ANKRD30A: variants seen among roughly 807,000 people sequenced by gnomAD.
ANKRD30A encodes the protein ankyrin repeat domain 30A.
In ANKRD30A, 170 loss-of-function variants were observed where a neutral mutation model predicts 166.3. The ratio of observed to expected loss-of-function variants is 1.02; its 90% confidence interval spans 0.90 to 1.16. The LOEUF (loss-of-function observed/expected upper bound fraction) is 1.16, where lower values mean the gene tolerates loss of function less well. Ranked by LOEUF, ANKRD30A falls within the 50% of genes most tolerant of loss-of-function variation. The pLI, the probability that ANKRD30A is intolerant of heterozygous loss-of-function variation, is 0.00. For missense variants in ANKRD30A, 1,630 were observed against 1,518.0 expected (o/e 1.07, Z -1.23); for synonymous variants, 564 against 508.9 (o/e 1.11, Z -1.46).
At chr10:37,215,552 CT>C (rs1842559589) in intron 31 of ANKRD30A, among the ~76,000 whole-genome samples, 1 of 151,342 alleles carries the variant, frequency 6.6e-6, no homozygotes, top group Non-Finnish European at 1.5e-5. Flanking sequence ...TCAGTTTTTT[CT>C]TCCTGTGTCA....
intron 6 of ANKRD30A, among the ~76,000 whole-genome samples, chr10:37,141,096 A>G (rs1439193337): frequency 6.6e-6 from 1 of 152,154 alleles, no homozygotes; most frequent in Non-Finnish European, 1.5e-5. Context: ...CTACTTTATT[A>G]AGGTATTAAG....
chr10:37,219,402 T>C lies in ANKRD30A; in HGVS notation c.3690T>C (p.Cys1230=). The part of the protein sequence containing the change: ...EPAFHIAGDA[C]LQRKMNVDVS... ...CTTTCCACATTGCAGGAGATGCTTGTTTGCAAAGAAAAATGAATGTTGATG... is the reference window on the plus strand; with the variant it reads ...CTTTCCACATTGCAGGAGATGCTTGCTTGCAAAGAAAAATGAATGTTGATG... Residue 1230 remains cysteine, a synonymous_variant, in exon 34 of 36, where the codon TGT becomes TGC. Coordinates refer to ENST00000361713, the MANE Select transcript of ANKRD30A (RefSeq NM_052997.3). 2 of 1,610,540 alleles carry C rather than the reference T, an allele frequency of 1.2e-6. No individual in the cohort carries two copies. The highest frequency in any genetic ancestry group is 2.2e-5 in the South Asian group (2 of 90,986).
chr10:37,193,893 G>A (rs780135184), intron 27 of ANKRD30A, among the ~76,000 whole-genome samples: 10 of 152,098 alleles, frequency 6.6e-5, no homozygotes, highest in Middle Eastern at 3.2e-3. Flanking sequence ...TCCCGTGAAC[G>A]TTTACAACAT....
rs779427223 is a variant in ANKRD30A at position 37,217,696 on chromosome 10, T to A, written c.3085T>A (p.Leu1029Met). Reference protein sequence around the residue: ...KWEQELCSVRLTLNQEEEKRR... With the variant: ...KWEQELCSVRMTLNQEEEKRR... The stretch of plus-strand genomic sequence containing the variant: ...TAAGATAAGTATGTTTAATGGCAGA[T>A]TGACTTTAAACCAAGAAGAAGAGAA... The change falls in exon 33 of 36, where the codon TTG becomes ATG. Residue 1029 changes from leucine to methionine, a missense_variant and splice_region_variant. By Grantham distance (15) the Leu-to-Met change is conservative (BLOSUM62 2). Coordinates refer to ENST00000361713, the MANE Select transcript of ANKRD30A (RefSeq NM_052997.3). 11 of 1,540,586 alleles carry A rather than the reference T, an allele frequency of 7.1e-6. No homozygotes were observed. The Admixed American group carries it at 2.4e-4, about 34-fold the overall frequency.
At chr10:37,257,760 G>C in the ANKRD30A span, among the ~76,000 whole-genome samples, 1 of 152,128 alleles carries the variant, frequency 6.6e-6, no homozygotes, top group Non-Finnish European at 1.5e-5. Context: ...ACAAATTAGA[G>C]TACACCATGG....
chr10:37,179,837 C>T (rs1332009906), intron 24 of ANKRD30A, among the ~76,000 whole-genome samples: 2 of 95,752 alleles, frequency 2.1e-5, no homozygotes, highest in Non-Finnish European at 4.6e-5. Context: ...CCTTATCAGT[C>T]AGCATATACT....
chr10:37,139,339 G>A (rs979910564), intron 6 of ANKRD30A, among the ~76,000 whole-genome samples: 1 of 152,182 alleles, frequency 6.6e-6, no homozygotes, highest in Non-Finnish European at 1.5e-5. Context: ...AGCAGCCACA[G>A]CCCTGGCTAG....
At chr10:37,210,626 C>G (rs1241015742) in intron 31 of ANKRD30A, among the ~76,000 whole-genome samples, 2 of 152,182 alleles carry the variant, frequency 1.3e-5, no homozygotes, top group Non-Finnish European at 2.9e-5. Context: ...TCTCCAGCAT[C>G]TGTTGTTTCC....
At chr10:37,226,214 G>A (rs966154755) in intron 34 of ANKRD30A, among the ~76,000 whole-genome samples, 4 of 150,422 alleles carry the variant, frequency 2.7e-5, no homozygotes, top group Admixed American at 6.6e-5. Flanking sequence ...CCATTAACTC[G>A]TCATTTACAT....
At chr10:37,154,680 A>T (rs942902353) in intron 13 of ANKRD30A, among the ~76,000 whole-genome samples, 4 of 152,208 alleles carry the variant, frequency 2.6e-5, no homozygotes, top group African/African-American at 9.6e-5. Flanking sequence ...TTTTTGCTAA[A>T]GCAGAGAGAT....
At chr10:37,203,886 C>T (rs1841815252) in intron 31 of ANKRD30A, among the ~76,000 whole-genome samples, 1 of 152,154 alleles carries the variant, frequency 6.6e-6, no homozygotes, top group South Asian at 2.1e-4. Context: ...CTCCCATTCA[C>T]AATTGCTTCA....
intron 12 of ANKRD30A, 35 bp downstream of exon 12, chr10:37,152,156 T>G: frequency 6.7e-7 from 1 of 1,489,274 alleles, no homozygotes; most frequent in Non-Finnish European, 9.3e-7. Context: ...TTAATATTAG[T>G]ATTGCATGAT....
intron 12 of ANKRD30A, among the ~76,000 whole-genome samples, chr10:37,153,081 G>A (rs17606103): frequency 6.6e-6 from 1 of 151,994 alleles, no homozygotes; most frequent in Non-Finnish European, 1.5e-5. Flanking sequence ...CATATTCTGT[G>A]CATACATTCT....
At chr10:37,146,213 TAA>T (rs978324143) in intron 8 of ANKRD30A, among the ~76,000 whole-genome samples, 7 of 152,384 alleles carry the variant, frequency 4.6e-5, no homozygotes, top group African/African-American at 1.2e-4. Flanking sequence ...AACATAAATA[TAA>T]GTTTTCCTTA....
chr10:37,253,137 G>A, the ANKRD30A span, among the ~76,000 whole-genome samples: 3 of 152,152 alleles, frequency 2.0e-5, no homozygotes, highest in Non-Finnish European at 4.4e-5. Flanking sequence ...GAAGGCACAC[G>A]TTTCCACCTT....
At chr10:37,178,548 C>G (rs1839915043) in intron 24 of ANKRD30A, 1 of 979,070 alleles carries the variant, frequency 1.0e-6, no homozygotes, top group Admixed American at 6.2e-5. Context: ...AATGTGGAAG[C>G]AGAGCAACTG....
At chr10:37,206,313 T>C (rs904404372) in intron 31 of ANKRD30A, among the ~76,000 whole-genome samples, 1 of 152,170 alleles carries the variant, frequency 6.6e-6, no homozygotes, top group African/African-American at 2.4e-5. Context: ...AGATTGTGTG[T>C]GCTCTGGAGA....
chr10:37,234,470 T>C (rs1420671267), downstream of ANKRD30A, among the ~76,000 whole-genome samples: 2 of 152,076 alleles, frequency 1.3e-5, no homozygotes, highest in African/African-American at 2.4e-5. Context: ...TTTTTTTAGG[T>C]TTGAAAGTTA....
At chr10:37,140,490 A>G (rs940802799) in intron 6 of ANKRD30A, among the ~76,000 whole-genome samples, 3 of 152,202 alleles carry the variant, frequency 2.0e-5, no homozygotes, top group Non-Finnish European at 2.9e-5. Flanking sequence ...AGCGCAGGTT[A>G]TGTTACATAG....
Sources: gnomAD v4.1 joint callset for allele counts (sites outside exome capture counted in the v4.1 genomes callset) on GRCh38, gnomAD v4.1.1 for gene constraint, MANE v1.5 for transcripts, NCBI Gene and HGNC (gene_info 2026-07-23, HGNC 2026-07-21) for gene names.